SPAG16: variants seen among roughly 807,000 people sequenced by gnomAD.
SPAG16 encodes sperm associated antigen 16.
Under a neutral mutation model 80.4 loss-of-function variants are expected in SPAG16, and 86 were observed. The ratio of observed to expected loss-of-function variants is 1.07; its 90% confidence interval spans 0.90 to 1.28. SPAG16 has a LOEUF of 1.28. Ranked by LOEUF, SPAG16 falls within the 50% of genes most tolerant of loss-of-function variation. SPAG16 has a pLI of 0.00. For synonymous variants in SPAG16, 294 were observed against 265.9 expected, an observed-to-expected ratio of 1.11 and a Z score of -1.03; for missense variants, 870 against 765.3, an observed-to-expected ratio of 1.14 and a Z score of -1.61.
intron 15 of SPAG16, among the ~76,000 whole-genome samples, chr2:214,153,263 G>A (rs528993281): frequency 1.2e-4 from 19 of 152,144 alleles, no homozygotes; most frequent in African/African-American, 3.9e-4. Context: ...CAGAAGGCTC[G>A]CACTCTTGTC....
At chr2:213,330,427 G>A (rs2064043282) in intron 5 of SPAG16, among the ~76,000 whole-genome samples, 2 of 152,196 alleles carry the variant, frequency 1.3e-5, no homozygotes, top group South Asian at 2.1e-4. Flanking sequence ...TCATTTTGGA[G>A]CTTTAAGATT....
At chr2:213,956,877 T>C (rs2044171804) in intron 12 of SPAG16, among the ~76,000 whole-genome samples, 1 of 152,212 alleles carries the variant, frequency 6.6e-6, no homozygotes, top group Non-Finnish European at 1.5e-5. Context: ...AAATTTTCCT[T>C]GTAATTTCTT....
intron 10 of SPAG16, among the ~76,000 whole-genome samples, chr2:213,781,384 A>G (rs532566678): frequency 6.6e-6 from 1 of 152,196 alleles, no homozygotes; most frequent in Non-Finnish European, 1.5e-5. Context: ...CCTTGATAAA[A>G]TAAAAAGAAA....
intron 10 of SPAG16, among the ~76,000 whole-genome samples, chr2:213,730,956 A>C (rs1313526489): frequency 1.3e-5 from 2 of 152,114 alleles, no homozygotes; most frequent in East Asian, 3.9e-4. Flanking sequence ...AAGACTACTA[A>C]TGAGTCCATC....
In SPAG16 at chr2:214,372,784, T is replaced by C. The variant is rs145084919; in HGVS notation, c.1721-37356T>C. On this transcript the variant is annotated intron_variant, in intron 15 of 15. Transcript: ENST00000331683. The stretch of plus-strand genomic sequence containing the variant: ...TATATGTATATATTTTGCCAACATG[T>C]AGTAGAAAATCCCAACTCTTCCTCT... Among the ~76,000 whole-genome samples, 541 of 152,292 alleles carry C rather than the reference T, an allele frequency of 3.6e-3. 1 individual carries two copies. Among genetic ancestry groups the C allele is most frequent in the African/African-American group, 0.012 (505 of 41,572 alleles).
At position 213,573,967 on chromosome 2, in the gene SPAG16, G is replaced by A. The variant is rs1279859474; in HGVS notation, c.1070+83877G>A. ...AATCAGATTCAGATTTAGTATGAAG[G>A]AGGTAAGGTCTGAGATTATATTAAT... On this transcript the variant is annotated intron_variant, in intron 10 of 15. Coordinates refer to ENST00000331683, the MANE Select transcript of SPAG16 (RefSeq NM_024532.5). Among the ~76,000 whole-genome samples, 10 of 152,272 alleles carry A rather than the reference G, an allele frequency of 6.6e-5. No homozygotes were observed. In the East Asian group the frequency reaches 1.5e-3, roughly 23 times the overall value.
At chr2:214,066,438 C>G (rs1036467039) in intron 13 of SPAG16, among the ~76,000 whole-genome samples, 1 of 152,156 alleles carries the variant, frequency 6.6e-6, no homozygotes, top group African/African-American at 2.4e-5. Context: ...CTATTTTACT[C>G]CTACCTTAAA....
intron 13 of SPAG16, among the ~76,000 whole-genome samples, chr2:214,065,410 A>T (rs2050486121): frequency 6.6e-6 from 1 of 152,156 alleles, no homozygotes; most frequent in Admixed American, 6.6e-5. Flanking sequence ...ACAATAAATA[A>T]TTTTGAATTA....
chr2:213,659,214 C>T (rs1428984440), intron 10 of SPAG16, among the ~76,000 whole-genome samples: 1 of 151,752 alleles, frequency 6.6e-6, no homozygotes, highest in Middle Eastern at 3.2e-3. Context: ...AGCAGTTGTT[C>T]TCTAGTATTA....
chr2:213,987,021 G>C (rs772444412), intron 12 of SPAG16, among the ~76,000 whole-genome samples: 50 of 151,496 alleles, frequency 3.3e-4, no homozygotes, highest in Admixed American at 3.3e-4. Flanking sequence ...TTGATCTTGA[G>C]ATCTGAGCAA....
At chr2:213,895,517 A>G (rs944685341) in intron 11 of SPAG16, among the ~76,000 whole-genome samples, 9 of 152,302 alleles carry the variant, frequency 5.9e-5, no homozygotes, top group Admixed American at 2.0e-4. Flanking sequence ...TTCAAAATTT[A>G]TTACAAAGAC....
intron 15 of SPAG16, among the ~76,000 whole-genome samples, chr2:214,211,613 T>C (rs576282137): frequency 2.6e-4 from 40 of 152,278 alleles, no homozygotes; most frequent in Admixed American, 2.4e-3. Context: ...TGCCTTCTTG[T>C]GGTAGCAAAT....
intron 12 of SPAG16, among the ~76,000 whole-genome samples, chr2:213,949,119 C>T (rs568151515): frequency 6.8e-6 from 1 of 146,836 alleles, no homozygotes; most frequent in East Asian, 2.0e-4. Context: ...AAAATAATGT[C>T]TACAGTTATT....
intron 15 of SPAG16, among the ~76,000 whole-genome samples, chr2:214,313,697 T>C (rs1381658708): frequency 1.3e-5 from 2 of 152,114 alleles, no homozygotes; most frequent in African/African-American, 2.4e-5. Context: ...AATTCTTCTA[T>C]CCATATTCTT....
At chr2:213,693,836 G>A (rs957545265) in intron 10 of SPAG16, among the ~76,000 whole-genome samples, 2 of 152,188 alleles carry the variant, frequency 1.3e-5, no homozygotes, top group African/African-American at 2.4e-5. Context: ...CATGGTGAAA[G>A]TGGACTATCT....
chr2:213,646,937 G>A (rs1050779949), intron 10 of SPAG16, among the ~76,000 whole-genome samples: 4 of 152,154 alleles, frequency 2.6e-5, no homozygotes, highest in East Asian at 3.9e-4. Flanking sequence ...ACACACAACA[G>A]CATGCATGAA....
intron 15 of SPAG16, among the ~76,000 whole-genome samples, chr2:214,344,751 A>G (rs1258947808): frequency 2.0e-5 from 3 of 152,182 alleles, no homozygotes; most frequent in Non-Finnish European, 4.4e-5. Context: ...AACTTGTTGC[A>G]GTTTCAGACT....
At chr2:214,006,849 A>G (rs973599295) in intron 12 of SPAG16, among the ~76,000 whole-genome samples, 1 of 152,196 alleles carries the variant, frequency 6.6e-6, no homozygotes, top group Non-Finnish European at 1.5e-5. Context: ...CCTCTTGAGC[A>G]GTACTTTCTT....
At chr2:214,102,839 T>C (rs2053145543) in intron 13 of SPAG16, among the ~76,000 whole-genome samples, 1 of 151,832 alleles carries the variant, frequency 6.6e-6, no homozygotes. Flanking sequence ...GGCTTTAGAA[T>C]AGGAAAGAAA....
Sources: allele counts gnomAD v4.1 joint callset (sites outside exome capture counted in the v4.1 genomes callset), GRCh38; gene constraint gnomAD v4.1.1; transcripts MANE v1.5; gene names NCBI Gene and HGNC (gene_info 2026-07-23, HGNC 2026-07-21).